The following CRISPLD2 variants were observed in gnomAD, a reference collection of about 807,000 sequenced individuals.
The protein encoded by CRISPLD2 is cysteine-rich secretory protein LCCL domain-containing 2.
Under a neutral mutation model 71.1 loss-of-function variants are expected in CRISPLD2, and 47 were observed. The observed-to-expected ratio is 0.66, with a 90% CI of 0.52 to 0.84. The LOEUF (loss-of-function observed/expected upper bound fraction) is 0.84. Ranked by LOEUF, CRISPLD2 falls within the 40% of genes least tolerant of loss-of-function variation. The pLI, the probability that CRISPLD2 is intolerant of heterozygous loss-of-function variation, is 0.00. For synonymous variants in CRISPLD2, 317 were observed against 250.1 expected, an observed-to-expected ratio of 1.27 and a Z score of -2.52; for missense variants, 830 against 651.1, an observed-to-expected ratio of 1.27 and a Z score of -2.99.
At chr16:84,841,244 T>G (rs1332537271) in intron 2 of CRISPLD2, among the ~76,000 whole-genome samples, 1 of 151,558 alleles carries the variant, frequency 6.6e-6, no homozygotes, top group Non-Finnish European at 1.5e-5. Flanking sequence ...ACCTGAAGAG[T>G]GAGCATGGTT....
intron 13 of CRISPLD2, 73 bp from the exon 14 acceptor site, chr16:84,889,157 G>A: frequency 6.2e-7 from 1 of 1,605,264 alleles, no homozygotes; most frequent in Non-Finnish European, 8.5e-7. Context: ...AGCAGTGAAT[G>A]ATGGAGCCCC....
chr16:84,868,990 C>T, intron 8 of CRISPLD2, 79 bp downstream of exon 8: 1 of 1,238,478 alleles, frequency 8.1e-7, no homozygotes, highest in Non-Finnish European at 1.1e-6. Context: ...GCCTCTGGGC[C>T]TATGCTGGGC....
At chr16:84,892,721 A>C (rs1215251558) in intron 14 of CRISPLD2, among the ~76,000 whole-genome samples, 1 of 152,074 alleles carries the variant, frequency 6.6e-6, no homozygotes, top group Admixed American at 6.6e-5. Flanking sequence ...CACACCTGTA[A>C]TCCCAGCACT....
At chr16:84,905,897 A>T (rs1168330319) in intron 14 of CRISPLD2, among the ~76,000 whole-genome samples, 4 of 150,158 alleles carry the variant, frequency 2.7e-5, no homozygotes, top group Non-Finnish European at 5.9e-5. Flanking sequence ...TTTCGTAGAG[A>T]TGGGGTTTCA....
intron 6 of CRISPLD2, among the ~76,000 whole-genome samples, chr16:84,857,688 C>A (rs1260945384): frequency 6.6e-6 from 1 of 152,192 alleles, no homozygotes; most frequent in African/African-American, 2.4e-5. Context: ...GCGTATCATG[C>A]AGAATCATCT....
chr16:84,856,686 T>C (rs1597461349), intron 6 of CRISPLD2, among the ~76,000 whole-genome samples: 1 of 152,310 alleles, frequency 6.6e-6, no homozygotes, highest in South Asian at 2.1e-4. Flanking sequence ...CTGGAGAACT[T>C]TGCCCCAGCC....
chr16:84,862,621 C>G (rs1484706858), intron 6 of CRISPLD2, among the ~76,000 whole-genome samples: 1 of 151,078 alleles, frequency 6.6e-6, no homozygotes, highest in Non-Finnish European at 1.5e-5. Context: ...AGTTATGTCC[C>G]CGATGGGGCA....
chr16:84,894,155 G>A (rs1239195933), intron 14 of CRISPLD2, among the ~76,000 whole-genome samples: 1 of 152,108 alleles, frequency 6.6e-6, no homozygotes, highest in African/African-American at 2.4e-5. Context: ...CAGAAATGAG[G>A]CAACATAAGA....
rs946976364 is a variant in CRISPLD2, at chr16:84,889,367, G to A, written c.1439+4G>A. The A allele has an allele frequency of 2.5e-6, 4 of 1,608,270 alleles. No individual in the cohort carries two copies. Among genetic ancestry groups the A allele is most frequent in the Non-Finnish European group, 3.4e-6 (4 of 1,176,342 alleles). On this transcript the variant is annotated splice_donor_region_variant and intron_variant, in intron 14 of 14. Coordinates refer to ENST00000262424, the MANE Select transcript of CRISPLD2 (RefSeq NM_031476.4). ...GGAATGGAGTTCAGTCTGAAAGGTAGGGTGGTGTTCTCCAACCCTTGACAC... is the reference window on the plus strand; with the variant it reads ...GGAATGGAGTTCAGTCTGAAAGGTAAGGTGGTGTTCTCCAACCCTTGACAC...
At chr16:84,903,872 G>C (rs529975780) in intron 14 of CRISPLD2, among the ~76,000 whole-genome samples, 50 of 152,306 alleles carry the variant, frequency 3.3e-4, no homozygotes, top group Non-Finnish European at 6.5e-4. Flanking sequence ...AGGGATCTGT[G>C]GTGTCTGAGC....
In CRISPLD2 at chr16:84,873,113, A is replaced by T. The variant is rs1367941267; in HGVS notation, c.1103A>T (p.Gln368Leu). 50 of 1,613,466 alleles carry T rather than the reference A, an allele frequency of 3.1e-5. No individual in the cohort carries two copies. Among genetic ancestry groups the T allele is most frequent in the Non-Finnish European group, 4.0e-5 (47 of 1,179,800 alleles). ...GTGAAGTCTGAGAGACACGGCGTGCAGTCCCTCAGGTAACTACTCTGTGAT... is the reference window on the plus strand; with the variant it reads ...GTGAAGTCTGAGAGACACGGCGTGCTGTCCCTCAGGTAACTACTCTGTGAT... ...FFVKSERHGV[Q>L]SLSKYKPSSS... The change falls in exon 10 of 15, where the codon CAG becomes CTG. Residue 368 changes from glutamine to leucine, a missense_variant. Gln to Leu is a moderately radical substitution (Grantham distance 113). Transcript: ENST00000262424.
intron 1 of CRISPLD2, among the ~76,000 whole-genome samples, chr16:84,832,573 A>C (rs994033331): frequency 1.3e-5 from 2 of 152,254 alleles, no homozygotes; most frequent in African/African-American, 2.4e-5. Context: ...GTGTGATTAC[A>C]CTGGAGGTTT....
intron 2 of CRISPLD2, chr16:84,842,298 G>T (rs1276195877): frequency 9.6e-5 from 2 of 20,732 alleles, no homozygotes; most frequent in Non-Finnish European, 2.4e-4. Flanking sequence ...CTCCCTCCCC[G>T]CCTGCCTGCC....
intron 1 of CRISPLD2, among the ~76,000 whole-genome samples, chr16:84,824,023 T>C (rs1567676139): frequency 6.6e-6 from 1 of 152,034 alleles, no homozygotes; most frequent in Non-Finnish European, 1.5e-5. Flanking sequence ...GACTGGGAGC[T>C]GGCATGGAGC....
rs1298956805 is a variant in CRISPLD2, at chr16:84,854,785, C to T, written c.665C>T (p.Pro222Leu). Residue 222 changes from proline to leucine, a missense_variant, in exon 6 of 15, where the codon CCA becomes CTA. Transcript: ENST00000262424. ...AATGGCCGGCCCTGCTCTGAGTGCCCACCCAGCTATGGAGGCAGCTGCAGG... is the reference window on the plus strand; with the variant it reads ...AATGGCCGGCCCTGCTCTGAGTGCCTACCCAGCTATGGAGGCAGCTGCAGG... ...YKNGRPCSEC[P>L]PSYGGSCRNN... 2.5e-6 allele frequency: 4 copies of T among 1,614,046 alleles called. No individual in the cohort carries two copies. The African/African-American group carries it at 5.3e-5, about 22-fold the overall frequency.
chr16:84,885,641 C>G (rs930538018), intron 13 of CRISPLD2, among the ~76,000 whole-genome samples: 3 of 152,180 alleles, frequency 2.0e-5, no homozygotes, highest in Non-Finnish European at 4.4e-5. Flanking sequence ...CATGTTAGCA[C>G]AGAGTTTTTA....
At chr16:84,842,495 T>C (rs958989556) in intron 2 of CRISPLD2, among the ~76,000 whole-genome samples, 1 of 151,420 alleles carries the variant, frequency 6.6e-6, no homozygotes, top group Non-Finnish European at 1.5e-5. Context: ...TGCCTCAGCC[T>C]CCTGAGTAGC....
At chr16:84,898,316 T>C (rs1287549217) in intron 14 of CRISPLD2, among the ~76,000 whole-genome samples, 1 of 152,132 alleles carries the variant, frequency 6.6e-6, no homozygotes, top group African/African-American at 2.4e-5. Flanking sequence ...GTACTAAGAA[T>C]CAAATCCGCC....
At chr16:84,833,706 G>T (rs2143157766) in intron 1 of CRISPLD2, among the ~76,000 whole-genome samples, 1 of 152,312 alleles carries the variant, frequency 6.6e-6, no homozygotes, top group East Asian at 1.9e-4. Flanking sequence ...AAAGGCGAGT[G>T]GGCAGCACCG....
Sources: gnomAD v4.1 joint callset for allele counts (sites outside exome capture counted in the v4.1 genomes callset) on GRCh38, gnomAD v4.1.1 for gene constraint, MANE v1.5 for transcripts, NCBI Gene and HGNC (gene_info 2026-07-23, HGNC 2026-07-21) for gene names.